GRIK2: variants seen among roughly 807,000 people sequenced by gnomAD.
GRIK2 encodes glutamate receptor ionotropic, kainate 2.
A neutral mutation model predicts 100.3 loss-of-function variants in GRIK2; 32 were observed. The ratio of observed to expected loss-of-function variants is 0.32; its 90% CI spans 0.24 to 0.43. GRIK2 has a LOEUF of 0.43. Among genes scored for constraint, GRIK2 ranks in the 20% least tolerant of loss-of-function variants. GRIK2 has a pLI of 1.00. For synonymous variants in GRIK2, 417 were observed against 389.4 expected (o/e 1.07, Z -0.83); for missense variants, 843 against 1,114.9 (o/e 0.76, Z 3.47).
intron 11 of GRIK2, among the ~76,000 whole-genome samples, chr6:101,887,802 CAGT>C (rs2128456509): frequency 6.6e-6 from 1 of 152,056 alleles, no homozygotes; most frequent in Non-Finnish European, 1.5e-5. Flanking sequence ...CAGGAGACAG[CAGT>C]AGAAGACTGG....
intron 7 of GRIK2, among the ~76,000 whole-genome samples, chr6:101,797,676 C>T (rs1349253983): frequency 4.1e-5 from 1 of 24,506 alleles, no homozygotes; most frequent in African/African-American, 3.0e-4. Context: ...CCATAATAAA[C>T]CATTATATAT....
intron 4 of GRIK2, among the ~76,000 whole-genome samples, chr6:101,668,917 G>A (rs1582927187): frequency 6.6e-6 from 1 of 152,234 alleles, no homozygotes; most frequent in East Asian, 1.9e-4. Context: ...TCTCTTAAAA[G>A]AGCAGCTCAG....
At chr6:101,913,596 C>A (rs146862119) in intron 12 of GRIK2, among the ~76,000 whole-genome samples, 1 of 151,492 alleles carries the variant, frequency 6.6e-6, no homozygotes, top group African/African-American at 2.4e-5. Flanking sequence ...ATGAAGTGAG[C>A]ATTTTAGGTG....
At chr6:101,800,941 C>T (rs913017213) in intron 8 of GRIK2, among the ~76,000 whole-genome samples, 1 of 152,064 alleles carries the variant, frequency 6.6e-6, no homozygotes, top group South Asian at 2.1e-4. Flanking sequence ...TCCACTAAAT[C>T]ACACAGTGTC....
At chr6:101,736,387 C>T (rs113156353) in intron 7 of GRIK2, among the ~76,000 whole-genome samples, 95 of 152,288 alleles carry the variant, frequency 6.2e-4, no homozygotes, top group African/African-American at 2.2e-3. Context: ...CCACGAGGGC[C>T]CCATCCCTGC....
At chr6:101,488,960 A>G (rs1772967490) in intron 2 of GRIK2, among the ~76,000 whole-genome samples, 2 of 146,396 alleles carry the variant, frequency 1.4e-5, no homozygotes, top group South Asian at 4.3e-4. Context: ...GTTTTCAGAG[A>G]TGATTAATAT....
chr6:102,021,392 A>C (rs904703584), intron 14 of GRIK2, among the ~76,000 whole-genome samples: 2 of 150,948 alleles, frequency 1.3e-5, no homozygotes, highest in Non-Finnish European at 3.0e-5. Flanking sequence ...CAGTTAAAAT[A>C]ATATTCTTTA....
chr6:101,617,908 T>C (rs1231396514), intron 2 of GRIK2, among the ~76,000 whole-genome samples: 1 of 151,626 alleles, frequency 6.6e-6, no homozygotes, highest in East Asian at 1.9e-4. Flanking sequence ...ATTCTACTTA[T>C]AGGATATAAA....
chr6:101,942,806 C>A (rs1791036400), intron 14 of GRIK2, among the ~76,000 whole-genome samples: 1 of 152,086 alleles, frequency 6.6e-6, no homozygotes, highest in South Asian at 2.1e-4. Context: ...GAAAGGGAAG[C>A]AAAGCATAAA....
At chr6:101,485,953 A>G (rs1443643024) in intron 2 of GRIK2, among the ~76,000 whole-genome samples, 2 of 151,474 alleles carry the variant, frequency 1.3e-5, no homozygotes, top group Non-Finnish European at 2.9e-5. Flanking sequence ...TACTTTTTTA[A>G]GGGACAGCTG....
intron 2 of GRIK2, among the ~76,000 whole-genome samples, chr6:101,532,347 T>G (rs1464335223): frequency 6.6e-6 from 1 of 152,018 alleles, no homozygotes; most frequent in Non-Finnish European, 1.5e-5. Context: ...ATCACTCCTC[T>G]TATGTACCTT....
At chr6:101,451,298 A>G (rs1770665419) in intron 2 of GRIK2, among the ~76,000 whole-genome samples, 1 of 151,652 alleles carries the variant, frequency 6.6e-6, no homozygotes, top group South Asian at 2.1e-4. Flanking sequence ...TCTCTTCCCT[A>G]TGAGATGCTA....
intron 10 of GRIK2, among the ~76,000 whole-genome samples, chr6:101,820,275 A>C (rs1781874950): frequency 6.6e-6 from 1 of 152,172 alleles, no homozygotes; most frequent in African/African-American, 2.4e-5. Flanking sequence ...TTCTGTTTCT[A>C]TACCATATGT....
At chr6:101,484,241 A>T (rs1275647129) in intron 2 of GRIK2, among the ~76,000 whole-genome samples, 1 of 152,172 alleles carries the variant, frequency 6.6e-6, no homozygotes, top group African/African-American at 2.4e-5. Flanking sequence ...ATTTAATAGC[A>T]TATGTTATGC....
chr6:101,747,152 T>C (rs1026352822), intron 7 of GRIK2, among the ~76,000 whole-genome samples: 5 of 152,206 alleles, frequency 3.3e-5, no homozygotes, highest in Non-Finnish European at 4.4e-5. Context: ...ACCATCTATA[T>C]AACCAGCTGC....
At chr6:101,600,282 A>G (rs1779144761) in intron 2 of GRIK2, among the ~76,000 whole-genome samples, 1 of 151,818 alleles carries the variant, frequency 6.6e-6, no homozygotes, top group African/African-American at 2.4e-5. Flanking sequence ...TTCCAGTACC[A>G]TGCTCTTTTG....
At chr6:101,800,416 G>A (rs933406196) in intron 8 of GRIK2, among the ~76,000 whole-genome samples, 4 of 151,832 alleles carry the variant, frequency 2.6e-5, no homozygotes, top group East Asian at 1.9e-4. Context: ...ATATGTATAC[G>A]TATATATTTT....
At chr6:101,726,473 A>T (rs906112155) in intron 7 of GRIK2, among the ~76,000 whole-genome samples, 3 of 152,048 alleles carry the variant, frequency 2.0e-5, no homozygotes, top group African/African-American at 7.2e-5. Context: ...AGATATGCAT[A>T]CAAACAGGAA....
Position 101,792,577 on chromosome 6 carries a change from G to A in GRIK2, c.952-7071G>A, listed in dbSNP as rs867324148. 7.8e-3 allele frequency among the ~76,000 whole-genome samples: 1,179 copies of A among 152,108 alleles called. 7 individuals carry two copies. Among genetic ancestry groups the A allele is most frequent in the Non-Finnish European group, 9.8e-3 (666 of 67,986 alleles). Reference sequence around the variant, plus strand: ...TTGTAGAGTTTCTGCCGAGAGATCCGCTGTTAGTCTGATGGGCTTCCCTTT... The same window carrying A: ...TTGTAGAGTTTCTGCCGAGAGATCCACTGTTAGTCTGATGGGCTTCCCTTT... On this transcript the variant is annotated intron_variant, in intron 7 of 16. Coordinates refer to ENST00000369134, the MANE Select transcript of GRIK2 (RefSeq NM_021956.5).
Sources: allele counts gnomAD v4.1 joint callset (sites outside exome capture counted in the v4.1 genomes callset), GRCh38; gene constraint gnomAD v4.1.1; transcripts MANE v1.5; gene names NCBI Gene and HGNC (gene_info 2026-07-23, HGNC 2026-07-21).